Variants in PHTF2 observed in about 807,000 individuals in gnomAD.
PHTF2 encodes the protein putative homeodomain transcription factor 2.
In PHTF2, 60 loss-of-function variants were observed where a neutral mutation model predicts 101.2. That is an observed-to-expected ratio of 0.59 (90% confidence interval 0.48 to 0.73). PHTF2 has a LOEUF of 0.73. Ranked by LOEUF, PHTF2 falls within the 30% of genes least tolerant of loss-of-function variation. The probability of loss-of-function intolerance (pLI) is 0.00; values close to 1 mark genes in which losing one functional copy is unlikely to be tolerated. For synonymous variants in PHTF2, 311 were observed against 307.3 expected (o/e 1.01, Z -0.13); for missense variants, 747 against 908.7 (o/e 0.82, Z 2.29).
chr7:77,823,376 ACACC>A (rs1183816995), intron 1 of PHTF2, among the ~76,000 whole-genome samples: 1 of 151,142 alleles, frequency 6.6e-6, no homozygotes, highest in Non-Finnish European at 1.5e-5. Flanking sequence ...ACACGCCACC[ACACC>A]CAGCTAATTT....
intron 16 of PHTF2, among the ~76,000 whole-genome samples, chr7:77,943,161 G>A (rs935222088): frequency 1.5e-4 from 23 of 151,646 alleles, no homozygotes; most frequent in African/African-American, 4.4e-4. Flanking sequence ...TCGCTCTGTC[G>A]CGCAGGCGGA....
At chr7:77,823,387 A>C (rs1794461652) in intron 1 of PHTF2, among the ~76,000 whole-genome samples, 1 of 149,052 alleles carries the variant, frequency 6.7e-6, no homozygotes. Flanking sequence ...CACCCAGCTA[A>C]TTTTTGTATT....
chr7:77,891,356 CTGAT>C (rs1800387726), intron 3 of PHTF2, among the ~76,000 whole-genome samples: 4 of 152,258 alleles, frequency 2.6e-5, no homozygotes, highest in East Asian at 3.9e-4. Flanking sequence ...AGGAAGATGA[CTGAT>C]TGATTGAATT....
At chr7:77,826,035 T>C (rs1028079078) in intron 1 of PHTF2, among the ~76,000 whole-genome samples, 5 of 151,998 alleles carry the variant, frequency 3.3e-5, no homozygotes, top group Non-Finnish European at 7.4e-5. Flanking sequence ...AGGAAAAAAA[T>C]ATGAAATGAT....
intron 19 of PHTF2, among the ~76,000 whole-genome samples, chr7:77,954,638 A>ATATATAT (rs1562982907): frequency 5.8e-5 from 8 of 139,106 alleles, no homozygotes; most frequent in African/African-American, 1.8e-4. Flanking sequence ...ATATATATAT[A>ATATATAT]TATATATAGC....
chr7:77,882,457 GA>G (rs1292271094), intron 3 of PHTF2, among the ~76,000 whole-genome samples: 5 of 151,938 alleles, frequency 3.3e-5, no homozygotes, highest in Non-Finnish European at 5.9e-5. Context: ...ATGATTTATA[GA>G]AAAATAAATA....
chr7:77,901,955 A>T (rs367562316), intron 7 of PHTF2, 35 bp downstream of exon 6: 2 of 1,338,446 alleles, frequency 1.5e-6, no homozygotes, highest in Non-Finnish European at 2.0e-6. Flanking sequence ...TACTTTTCAG[A>T]ATGTTACATT....
chr7:77,866,166 A>G (rs1236461612), intron 3 of PHTF2, among the ~76,000 whole-genome samples: 3 of 144,702 alleles, frequency 2.1e-5, no homozygotes. Context: ...CCTGGATGAC[A>G]GAGCGAGACT....
At chr7:77,925,657 G>C (rs1430873192) in intron 11 of PHTF2, among the ~76,000 whole-genome samples, 3 of 151,442 alleles carry the variant, frequency 2.0e-5, no homozygotes, top group Non-Finnish European at 4.4e-5. Flanking sequence ...TAGAGATGGG[G>C]TTTCGCCCTG....
At chr7:77,851,543 CTT>C (rs1234105296) in intron 2 of PHTF2, among the ~76,000 whole-genome samples, 4 of 149,580 alleles carry the variant, frequency 2.7e-5, no homozygotes, top group African/African-American at 4.9e-5. Context: ...AAAAAACAAA[CTT>C]ATTTCATTGA....
chr7:77,910,553 A>G (rs1292369597), intron 9 of PHTF2, 144 bp downstream of exon 8: 4 of 612,682 alleles, frequency 6.5e-6, no homozygotes, highest in African/African-American at 3.7e-5. Flanking sequence ...AATAGTATAG[A>G]TAATGGAAAA....
chr7:77,872,368 C>T (rs1346702554), intron 3 of PHTF2, among the ~76,000 whole-genome samples: 1 of 152,198 alleles, frequency 6.6e-6, no homozygotes, highest in East Asian at 1.9e-4. Context: ...GAGGTCCATC[C>T]ACATACCTCT....
intron 8 of PHTF2, 53 bp downstream of exon 7, chr7:77,909,011 C>A (rs1364483102): frequency 7.8e-7 from 1 of 1,284,430 alleles, no homozygotes; most frequent in East Asian, 2.5e-5. Flanking sequence ...TTTGAATCTA[C>A]GATTGTTCTT....
At chr7:77,899,616 T>C (rs1223594586) in intron 5 of PHTF2, among the ~76,000 whole-genome samples, 1 of 152,328 alleles carries the variant, frequency 6.6e-6, no homozygotes, top group East Asian at 1.9e-4. Context: ...AATTGCATAT[T>C]GGTTTCAGGG....
intron 1 of PHTF2, among the ~76,000 whole-genome samples, chr7:77,820,544 T>TGTG (rs1562841744): frequency 1.3e-5 from 2 of 151,254 alleles, no homozygotes; most frequent in African/African-American, 4.9e-5. Flanking sequence ...GTGTGTGTGT[T>TGTG]TGTGTATACG....
intron 2 of PHTF2, among the ~76,000 whole-genome samples, chr7:77,851,001 T>C (rs1796716510): frequency 6.6e-6 from 1 of 152,328 alleles, no homozygotes; most frequent in South Asian, 2.1e-4. Flanking sequence ...TTTTAATGTG[T>C]TATTGTATTC....
chr7:77,936,052 G>T (rs1348414426), intron 12 of PHTF2, among the ~76,000 whole-genome samples: 1 of 152,120 alleles, frequency 6.6e-6, no homozygotes, highest in East Asian at 1.9e-4. Flanking sequence ...AGGACCTCAA[G>T]TAGTGAAATG....
At chr7:77,889,375 A>G (rs2150781323) in intron 3 of PHTF2, among the ~76,000 whole-genome samples, 1 of 152,292 alleles carries the variant, frequency 6.6e-6, no homozygotes, top group South Asian at 2.1e-4. Context: ...CCCAAGAAAC[A>G]AACAATTTCA....
intron 2 of PHTF2, among the ~76,000 whole-genome samples, chr7:77,849,478 G>A (rs1292412769): frequency 6.6e-6 from 1 of 152,034 alleles, no homozygotes; most frequent in Non-Finnish European, 1.5e-5. Flanking sequence ...AGTATAATTT[G>A]AAGTCATGCA....
Sources: allele counts gnomAD v4.1 joint callset (sites outside exome capture counted in the v4.1 genomes callset), GRCh38; gene constraint gnomAD v4.1.1; transcripts MANE v1.5; gene names NCBI Gene and HGNC (gene_info 2026-07-23, HGNC 2026-07-21).